The following CDH18 variants were observed in gnomAD, a reference collection of about 807,000 sequenced individuals.
CDH18 encodes the protein cadherin-18.
Under a neutral mutation model 67.9 loss-of-function variants are expected in CDH18, and 31 were observed. That is an observed-to-expected ratio of 0.46 (90% confidence interval 0.34 to 0.62). The LOEUF (loss-of-function observed/expected upper bound fraction) is 0.62, where lower values mean the gene tolerates loss of function less well. Ranked by LOEUF, CDH18 falls within the 20% of genes least tolerant of loss-of-function variation. The pLI is 0.01. For missense variants in CDH18, 890 were observed against 975.5 expected, an observed-to-expected ratio of 0.91 and a Z score of 1.17; for synonymous variants, 362 against 347.2, an observed-to-expected ratio of 1.04 and a Z score of -0.48.
rs993702441 is a variant in CDH18, at chr5:19,697,116, G to C, written c.643+24231C>G. On this transcript the variant is annotated intron_variant, in intron 5 of 12. Transcript: ENST00000382275. ...ATAGTAGAAGCTCCAGCTGAAATGA[G>C]TAATTTAATGCTTGTATTAAGAAAA... Among the ~76,000 whole-genome samples, 17 of 152,290 alleles carry C rather than the reference G, an allele frequency of 1.1e-4. 1 individual carries two copies. In the East Asian group the frequency reaches 3.3e-3, roughly 29 times the overall value.
intron 2 of CDH18, among the ~76,000 whole-genome samples, chr5:19,846,125 C>A (rs763407043): frequency 2.7e-4 from 41 of 151,678 alleles, no homozygotes; most frequent in Non-Finnish European, 4.4e-4. Context: ...TTTTAAATTT[C>A]TTTTAATTAC....
intron 1 of CDH18, among the ~76,000 whole-genome samples, chr5:20,563,295 A>G (rs989511527): frequency 1.3e-5 from 2 of 152,140 alleles, no homozygotes; most frequent in Non-Finnish European, 2.9e-5. Context: ...TCTAAACACA[A>G]TAACAAAAGT....
intron 9 of CDH18, among the ~76,000 whole-genome samples, chr5:19,535,389 A>G (rs1179764292): frequency 6.6e-6 from 1 of 152,220 alleles, no homozygotes; most frequent in Non-Finnish European, 1.5e-5. Flanking sequence ...TTTGTGGAAG[A>G]CAAATTGCAT....
At chr5:19,581,791 T>C (rs999495339) in intron 7 of CDH18, among the ~76,000 whole-genome samples, 7 of 151,806 alleles carry the variant, frequency 4.6e-5, no homozygotes, top group Non-Finnish European at 1.0e-4. Flanking sequence ...GGAAAAGTAT[T>C]TAACTTATAT....
At chr5:20,510,567 G>A (rs960393555) in intron 1 of CDH18, among the ~76,000 whole-genome samples, 21 of 151,760 alleles carry the variant, frequency 1.4e-4, no homozygotes, top group African/African-American at 2.9e-4. Flanking sequence ...AGTGAATCTC[G>A]GCCTTCACTT....
intron 2 of CDH18, among the ~76,000 whole-genome samples, chr5:19,936,252 C>G (rs1227915965): frequency 2.6e-5 from 4 of 151,060 alleles, no homozygotes; most frequent in Admixed American, 1.3e-4. Flanking sequence ...AGTGCAACAG[C>G]CTGTTTTTGT....
intron 3 of CDH18, among the ~76,000 whole-genome samples, chr5:19,804,894 A>C (rs939958291): frequency 6.6e-6 from 1 of 152,108 alleles, no homozygotes; most frequent in Non-Finnish European, 1.5e-5. Flanking sequence ...TCTTCAGGAG[A>C]AAATAGCCAC....
intron 11 of CDH18, among the ~76,000 whole-genome samples, chr5:19,492,903 G>A (rs1352809711): frequency 1.3e-5 from 2 of 152,090 alleles, no homozygotes; most frequent in Admixed American, 6.6e-5. Context: ...GAATGTCAGA[G>A]TATCTTATAC....
intron 2 of CDH18, among the ~76,000 whole-genome samples, chr5:20,084,580 C>G (rs965823664): frequency 6.6e-6 from 1 of 152,192 alleles, no homozygotes; most frequent in Admixed American, 6.5e-5. Flanking sequence ...CCCTTCTGCA[C>G]TGCCCTAGTG....
chr5:19,573,229 T>C (rs1017029144), intron 7 of CDH18, among the ~76,000 whole-genome samples: 1 of 152,086 alleles, frequency 6.6e-6, no homozygotes, highest in African/African-American at 2.4e-5. Flanking sequence ...CCTATCACAC[T>C]AGAAATAAAT....
chr5:20,050,176 C>T (rs1741286430), intron 2 of CDH18, among the ~76,000 whole-genome samples: 4 of 151,792 alleles, frequency 2.6e-5, no homozygotes, highest in Admixed American at 2.6e-4. Context: ...TGCCTTTGGG[C>T]AAATTGAGGG....
chr5:20,443,191 T>C (rs62352845), intron 1 of CDH18, among the ~76,000 whole-genome samples: 12 of 98,044 alleles, frequency 1.2e-4, no homozygotes, highest in East Asian at 1.2e-3. Context: ...GCCTGGGTGA[T>C]AGAGCGAGAC....
intron 10 of CDH18, among the ~76,000 whole-genome samples, chr5:19,505,010 T>G (rs927800878): frequency 6.6e-5 from 10 of 152,174 alleles, no homozygotes; most frequent in Non-Finnish European, 1.3e-4. Context: ...TTATTATACC[T>G]GTTAAACTCT....
chr5:19,483,000 T>G (rs928977274), intron 12 of CDH18, among the ~76,000 whole-genome samples: 1 of 152,104 alleles, frequency 6.6e-6, no homozygotes, highest in South Asian at 2.1e-4. Flanking sequence ...TTGCCAAAAA[T>G]TTTTAAAAGC....
chr5:20,333,036 CT>C (rs59227183), intron 1 of CDH18, among the ~76,000 whole-genome samples: 35 of 151,734 alleles, frequency 2.3e-4, no homozygotes, highest in Admixed American at 5.3e-4. Context: ...TGATAAGGAA[CT>C]TTTTTTTTCC....
intron 2 of CDH18, among the ~76,000 whole-genome samples, chr5:20,204,782 T>A (rs1739747176): frequency 6.6e-6 from 1 of 151,976 alleles, no homozygotes; most frequent in African/African-American, 2.4e-5. Flanking sequence ...AAAGGGTTTT[T>A]TTTTCTTTCT....
chr5:19,796,544 T>C lies in CDH18; in HGVS notation c.228+42215A>G, dbSNP rs531622519. 1.5e-3 allele frequency among the ~76,000 whole-genome samples: 228 copies of C among 152,222 alleles called. 1 individual carries two copies. Among genetic ancestry groups the C allele is most frequent in the African/African-American group, 5.2e-3 (216 of 41,560 alleles). On this transcript the variant is annotated intron_variant, in intron 3 of 12. Coordinates refer to ENST00000382275, the MANE Select transcript of CDH18 (RefSeq NM_004934.5). Reference sequence around the variant, plus strand: ...GATAAAGGCAAACTAAAAGGATCTGTTGATATCAGACATACCTTATTGGTT... The same window carrying C: ...GATAAAGGCAAACTAAAAGGATCTGCTGATATCAGACATACCTTATTGGTT...
At chr5:20,249,253 T>G (rs1233277578) in intron 2 of CDH18, among the ~76,000 whole-genome samples, 2 of 152,144 alleles carry the variant, frequency 1.3e-5, no homozygotes, top group African/African-American at 2.4e-5. Context: ...GTGTAAGTTT[T>G]TAGTATAAAC....
intron 1 of CDH18, among the ~76,000 whole-genome samples, chr5:20,523,191 T>TA (rs1755848640): frequency 6.6e-6 from 1 of 152,214 alleles, no homozygotes; most frequent in South Asian, 2.1e-4. Context: ...CATTAATTTT[T>TA]ACTAATGCTA....
Sources: gnomAD v4.1 joint callset for allele counts (sites outside exome capture counted in the v4.1 genomes callset) on GRCh38, gnomAD v4.1.1 for gene constraint, MANE v1.5 for transcripts, NCBI Gene and HGNC (gene_info 2026-07-23, HGNC 2026-07-21) for gene names.